Variants in JARID2 observed in about 807,000 individuals in gnomAD.
The protein encoded by JARID2 is protein Jumonji.
In JARID2, 21 loss-of-function variants were observed where a neutral mutation model predicts 125.6. That is an observed-to-expected ratio of 0.17 (90% CI 0.12 to 0.24). JARID2 has a LOEUF of 0.24. Among genes scored for constraint, JARID2 ranks in the 10% least tolerant of loss-of-function variants. The probability of loss-of-function intolerance (pLI) is 1.00; values close to 1 mark genes in which losing one functional copy is unlikely to be tolerated. For missense variants in JARID2, 1,303 were observed against 1,639.6 expected (o/e 0.79, Z 3.55); for synonymous variants, 736 against 661.6 (o/e 1.11, Z -1.73).
intron 5 of JARID2, among the ~76,000 whole-genome samples, chr6:15,472,873 G>A (rs1769144015): frequency 6.6e-6 from 1 of 152,236 alleles, no homozygotes; most frequent in African/African-American, 2.4e-5. Context: ...TCATAGGGAA[G>A]TTTGAATCTT....
intron 1 of JARID2, chr6:15,247,821 C>G: frequency 1.0e-6 from 1 of 985,328 alleles, no homozygotes; most frequent in Non-Finnish European, 1.2e-6. Flanking sequence ...GAAAGCTGTT[C>G]CATAAAGAAT....
intron 1 of JARID2, among the ~76,000 whole-genome samples, chr6:15,256,816 A>G (rs1759683415): frequency 6.6e-6 from 1 of 152,188 alleles, no homozygotes; most frequent in Admixed American, 6.5e-5. Flanking sequence ...TTAACCCCAC[A>G]AGAGTAGGGG....
chr6:15,419,283 T>C (rs527305035), intron 3 of JARID2, among the ~76,000 whole-genome samples: 16 of 152,328 alleles, frequency 1.1e-4, no homozygotes, highest in Non-Finnish European at 1.5e-4. Flanking sequence ...TTTTCAACTT[T>C]AGAGTTATCA....
At chr6:15,500,825 A>G (rs1170601677) in intron 7 of JARID2, 82 bp from the exon 8 acceptor site, 4 of 1,258,302 alleles carry the variant, frequency 3.2e-6, no homozygotes, top group Non-Finnish European at 4.5e-6. Flanking sequence ...GTAGGAGTTC[A>G]AGAAGTACAG....
chr6:15,310,604 G>A (rs1206085604), intron 1 of JARID2, among the ~76,000 whole-genome samples: 2 of 152,158 alleles, frequency 1.3e-5, no homozygotes, highest in Admixed American at 6.5e-5. Flanking sequence ...TTCTTGCTGG[G>A]TAGTTCTGGA....
Position 15,501,327 on chromosome 6 carries a change from T to A in JARID2, c.2366T>A (p.Leu789His). Reference protein sequence around the residue: ...QAQLKTGRRRLFAQEKEVVKE... With the variant: ...QAQLKTGRRRHFAQEKEVVKE... ...CAGTTGAAGACTGGCCGGCGGCGAC[T>A]CTTCGCTCAGGAAAAAGAAGTGGTC... The change falls in exon 8 of 18, where the codon CTC becomes CAC. Residue 789 changes from leucine to histidine, a missense_variant. Leu to His is a moderately conservative substitution (Grantham distance 99). Coordinates refer to ENST00000341776, the MANE Select transcript of JARID2 (RefSeq NM_004973.4). The A allele has an allele frequency of 6.2e-7, 1 of 1,607,070 alleles. No individual in the cohort carries two copies. Among genetic ancestry groups the A allele is most frequent in the South Asian group, 1.1e-5 (1 of 90,612 alleles).
intron 2 of JARID2, among the ~76,000 whole-genome samples, chr6:15,402,790 T>G (rs1257591848): frequency 6.6e-6 from 1 of 152,150 alleles, no homozygotes; most frequent in Non-Finnish European, 1.5e-5. Flanking sequence ...TTGCATATCC[T>G]AGGGGATTCC....
intron 1 of JARID2, among the ~76,000 whole-genome samples, chr6:15,286,858 T>G (rs1291749480): frequency 7.2e-6 from 1 of 138,808 alleles, no homozygotes; most frequent in Non-Finnish European, 1.5e-5. Flanking sequence ...CGAGACTCCA[T>G]CTCAAAAAAA....
chr6:15,504,202 G>A (rs1395673463), intron 8 of JARID2, among the ~76,000 whole-genome samples: 1 of 151,866 alleles, frequency 6.6e-6, no homozygotes, highest in Admixed American at 6.6e-5. Flanking sequence ...CCTTGGAGGG[G>A]CCTTCCGCGC....
At chr6:15,369,999 G>T (rs1764107459) in intron 1 of JARID2, among the ~76,000 whole-genome samples, 1 of 152,200 alleles carries the variant, frequency 6.6e-6, no homozygotes. Context: ...GTCTCTGTGG[G>T]GAGTGTTTTA....
intron 2 of JARID2, among the ~76,000 whole-genome samples, chr6:15,381,327 GGA>G (rs2127527667): frequency 7.1e-6 from 1 of 141,448 alleles, no homozygotes; most frequent in Non-Finnish European, 1.5e-5. Context: ...GGCGACAGAG[GGA>G]GACTCCTGTC....
At chr6:15,485,682 G>C (rs7763809) in intron 5 of JARID2, among the ~76,000 whole-genome samples, 95,260 of 152,118 alleles carry the variant, frequency 0.63, 30,027 homozygotes, top group East Asian at 0.81. Context: ...CGGAAGGGTA[G>C]GTTAAGCACG....
intron 2 of JARID2, among the ~76,000 whole-genome samples, chr6:15,395,918 C>T (rs1242977285): frequency 6.6e-6 from 1 of 152,210 alleles, no homozygotes; most frequent in African/African-American, 2.4e-5. Flanking sequence ...CCGCCTTGGC[C>T]TCCCTAAGTG....
rs1022308710 is a variant in JARID2 at position 15,509,063 on chromosome 6, G to A, written c.2846+609G>A. The A allele has an allele frequency of 3.9e-6, 5 of 1,289,314 alleles. 1 individual carries two copies. Among genetic ancestry groups the A allele is most frequent in the Non-Finnish European group, 5.1e-6 (5 of 988,850 alleles). 79.9% of individuals were successfully genotyped at this position (1,289,314 alleles called of 1,614,324 possible). ...TGCCATGTGGAGACACGCGCGTTAT[G>A]TACCCTGTGGAGTCTGTTGCCTGGC... On this transcript the variant is annotated intron_variant, in intron 12 of 17. Transcript: ENST00000341776.
intron 17 of JARID2, among the ~76,000 whole-genome samples, chr6:15,518,156 C>G (rs944154361): frequency 4.6e-5 from 7 of 152,260 alleles, no homozygotes; most frequent in African/African-American, 1.7e-4. Flanking sequence ...AATGTCCAGG[C>G]ACAGTTGCAA....
At chr6:15,402,538 A>G (rs1185245059) in intron 2 of JARID2, among the ~76,000 whole-genome samples, 1 of 152,056 alleles carries the variant, frequency 6.6e-6, no homozygotes, top group African/African-American at 2.4e-5. Context: ...TGTTGGGCCC[A>G]TTTATCTGTC....
chr6:15,365,349 T>C (rs989912943), intron 1 of JARID2, among the ~76,000 whole-genome samples: 3 of 152,188 alleles, frequency 2.0e-5, no homozygotes, highest in Non-Finnish European at 4.4e-5. Context: ...GATCCAGCAC[T>C]GCAGGAGGTT....
chr6:15,361,643 G>T (rs1581456225), intron 1 of JARID2, among the ~76,000 whole-genome samples: 1 of 152,204 alleles, frequency 6.6e-6, no homozygotes, highest in East Asian at 1.9e-4. Context: ...GGAGGGTGGG[G>T]TCAGTCCTCA....
At chr6:15,492,584 G>A (rs773484012) in intron 6 of JARID2, among the ~76,000 whole-genome samples, 1 of 152,212 alleles carries the variant, frequency 6.6e-6, no homozygotes, top group Non-Finnish European at 1.5e-5. Flanking sequence ...TGTTAGATTG[G>A]TGGGTCCCAG....
Sources: allele counts gnomAD v4.1 joint callset (sites outside exome capture counted in the v4.1 genomes callset), GRCh38; gene constraint gnomAD v4.1.1; transcripts MANE v1.5; gene names NCBI Gene and HGNC (gene_info 2026-07-23, HGNC 2026-07-21).